Variants in NHS observed in about 807,000 individuals in gnomAD.
NHS encodes NHS actin remodeling regulator, also known as actin remodeling regulator NHS.
A neutral mutation model predicts 72.5 loss-of-function variants in NHS; 5 were observed. The observed-to-expected ratio is 0.07, with a 90% CI of 0.04 to 0.14. The LOEUF (loss-of-function observed/expected upper bound fraction) is 0.14. Ranked by LOEUF, NHS falls within the 10% of genes least tolerant of loss-of-function variation. NHS has a pLI of 1.00. For synonymous variants in NHS, 464 were observed against 547.7 expected, an observed-to-expected ratio of 0.85 and a Z score of 2.13; for missense variants, 1,072 against 1,355.7, an observed-to-expected ratio of 0.79 and a Z score of 3.29.
intron 1 of NHS, among the ~76,000 whole-genome samples, chrX:17,463,875 G>A (rs1424265385): frequency 8.9e-6 from 1 of 111,956 alleles, no homozygotes; most frequent in East Asian, 2.8e-4. Flanking sequence ...ACTGAGTGGG[G>A]AAACCCAGCA....
In NHS at chrX:17,420,655, T is replaced by C. The variant is rs755736116; in HGVS notation, c.565+44333T>C. Among the ~76,000 whole-genome samples, 97 of 112,155 alleles carry C rather than the reference T, an allele frequency of 8.6e-4. 1 individual carries two copies. The highest frequency in any genetic ancestry group is 1.7e-3 in the Non-Finnish European group (88 of 53,284). On this transcript the variant is annotated intron_variant, in intron 1 of 8. Transcript: ENST00000676302. ...AAGGCCTTTGATGGTCTTGCACTTA[T>C]CTTGGCATTTTAAATATAAAGTTGG...
intron 3 of NHS, among the ~76,000 whole-genome samples, chrX:17,714,478 T>C (rs2066353623): frequency 8.9e-6 from 1 of 111,919 alleles, no homozygotes; most frequent in African/African-American, 3.2e-5. Context: ...TTTGGATGCT[T>C]CCTGCTCATG....
At chrX:17,514,071 T>C (rs1319887766) in intron 1 of NHS, among the ~76,000 whole-genome samples, 3 of 111,424 alleles carry the variant, frequency 2.7e-5, no homozygotes, top group African/African-American at 9.8e-5. Flanking sequence ...CCATCAGATC[T>C]CATGAGACTT....
intron 1 of NHS, chrX:17,552,296 T>C (rs1286382443): frequency 8.9e-6 from 1 of 112,199 alleles, no homozygotes; most frequent in Non-Finnish European, 1.9e-5. Flanking sequence ...TTATATCAGT[T>C]TGAAATGCAT....
chrX:17,548,160 C>T (rs12007257), intron 1 of NHS, among the ~76,000 whole-genome samples: 4,431 of 111,681 alleles, frequency 0.04, 214 homozygotes, highest in African/African-American at 0.14. Flanking sequence ...CAGATACATT[C>T]TGGAGGCTTG....
At chrX:17,530,746 G>T (rs570684105) in intron 1 of NHS, among the ~76,000 whole-genome samples, 1 of 111,806 alleles carries the variant, frequency 8.9e-6, no homozygotes, top group East Asian at 2.8e-4. Flanking sequence ...AATCTATCAG[G>T]TTTGGGTCAG....
intron 1 of NHS, among the ~76,000 whole-genome samples, chrX:17,503,458 T>C (rs1010272964): frequency 8.9e-6 from 1 of 111,734 alleles, no homozygotes; most frequent in African/African-American, 3.2e-5. Flanking sequence ...ACCCACTTAA[T>C]CCATATCACA....
chrX:17,475,153 G>A (rs2064910804), intron 1 of NHS, among the ~76,000 whole-genome samples: 1 of 112,090 alleles, frequency 8.9e-6, no homozygotes, highest in Admixed American at 9.5e-5. Context: ...TAGGCAAAGA[G>A]CCATTTTACT....
In NHS at chrX:17,376,020, C is replaced by A; in HGVS notation, c.263C>A (p.Ala88Glu). ...ADQTQPPHGEASVAGEESTAG... is the reference protein window; with the variant it reads ...ADQTQPPHGEESVAGEESTAG... The stretch of plus-strand genomic sequence containing the variant: ...CAGACTCAGCCGCCGCACGGAGAGG[C>A]GTCCGTGGCTGGCGAGGAGAGCACG... Residue 88 changes from alanine (A) to glutamate (E), a missense_variant, in exon 1 of 9, where the codon GCG (alanine) becomes GAG (glutamate). Physicochemically the swap from Ala to Glu is moderately radical, Grantham distance 107. Coordinates refer to ENST00000676302, the MANE Select transcript of NHS (RefSeq NM_001291867.2). The A allele has an allele frequency of 9.3e-7, 1 of 1,080,911 alleles. No homozygotes were observed. Among genetic ancestry groups the A allele is most frequent in the African/African-American group, 1.9e-5 (1 of 51,971 alleles). The allele number at this position is 1,080,911 out of a possible 1,213,427, so 89.1% of individuals were successfully genotyped here.
chrX:17,541,654 T>C (rs958990484), intron 1 of NHS, among the ~76,000 whole-genome samples: 1 of 111,324 alleles, frequency 9.0e-6, no homozygotes, highest in Non-Finnish European at 1.9e-5. Flanking sequence ...TTAAGGGTCT[T>C]TCCCCCACTT....
intron 1 of NHS, among the ~76,000 whole-genome samples, chrX:17,597,430 C>CTT (rs536355888): frequency 0.015 from 1,415 of 94,680 alleles, 32 homozygotes; most frequent in African/African-American, 0.047. Flanking sequence ...TGGCTATTCT[C>CTT]TTTTTTTTTT....
At chrX:17,488,903 T>A (rs954875855) in intron 1 of NHS, among the ~76,000 whole-genome samples, 1 of 111,023 alleles carries the variant, frequency 9.0e-6, no homozygotes, top group African/African-American at 3.3e-5. Flanking sequence ...CAACCCGTCA[T>A]CTACATTAGG....
intron 1 of NHS, among the ~76,000 whole-genome samples, chrX:17,493,598 C>T (rs1177019216): frequency 9.0e-6 from 1 of 111,214 alleles, no homozygotes; most frequent in Non-Finnish European, 1.9e-5. Flanking sequence ...GGCTAGGCCC[C>T]CTGAATTGAA....
At chrX:17,728,844 T>C in intron 8 of NHS, 69 bp downstream of exon 8, 2 of 1,164,231 alleles carry the variant, frequency 1.7e-6, no homozygotes, top group Non-Finnish European at 2.3e-6. Flanking sequence ...CAGGTACTTC[T>C]CACAAATGCA....
chrX:17,635,319 G>C, intron 1 of NHS: 1 of 1,085,254 alleles, frequency 9.2e-7, no homozygotes, highest in East Asian at 3.4e-5. Flanking sequence ...GTGAACCCTG[G>C]AGGGATTAGC....
intron 1 of NHS, among the ~76,000 whole-genome samples, chrX:17,522,100 A>T (rs1439219627): frequency 8.9e-6 from 1 of 112,433 alleles, no homozygotes; most frequent in Non-Finnish European, 1.9e-5. Context: ...AGACAGAGAC[A>T]GGTAGGTCCT....
intron 1 of NHS, among the ~76,000 whole-genome samples, chrX:17,473,846 G>A (rs1024466405): frequency 4.5e-5 from 5 of 111,180 alleles, no homozygotes; most frequent in African/African-American, 1.6e-4. Context: ...TTTTTTATGT[G>A]GTTATTACAT....
At position 17,726,600 on chromosome X, in the gene NHS, C is replaced by G. The variant is rs2066445997; in HGVS notation, c.2494C>G (p.His832Asp). 1 of 1,210,268 alleles carries G rather than the reference C, an allele frequency of 8.3e-7. No individual in the cohort carries two copies. Among genetic ancestry groups the G allele is most frequent in the Non-Finnish European group, 1.1e-6 (1 of 895,345 alleles). Residue 832 changes from histidine to aspartate, a missense_variant, in exon 7 of 9, where the codon CAC becomes GAC. His to Asp is a moderately conservative substitution (Grantham distance 81). Transcript: ENST00000676302. ...PDCAWQDYLD[H>D]KRQGRPSISF... ...TTGTGCCTGGCAGGACTACTTAGAC[C>G]ACAAGAGGCAGGGAAGACCAAGCAT...
At chrX:17,380,561 C>T (rs202153775) in intron 1 of NHS, among the ~76,000 whole-genome samples, 18 of 110,538 alleles carry the variant, frequency 1.6e-4, no homozygotes, top group South Asian at 3.9e-4. Flanking sequence ...CCATGTTACC[C>T]GGGGTGGTCT....
Sources: allele counts gnomAD v4.1 joint callset (sites outside exome capture counted in the v4.1 genomes callset), GRCh38; gene constraint gnomAD v4.1.1; transcripts MANE v1.5; gene names NCBI Gene and HGNC (gene_info 2026-07-23, HGNC 2026-07-21).